Variants in EYA2 observed in about 807,000 individuals in gnomAD.
The protein encoded by EYA2 is protein phosphatase EYA2.
In EYA2, 31 loss-of-function variants were observed where a neutral mutation model predicts 69.2. The observed-to-expected ratio is 0.45, with a 90% confidence interval of 0.34 to 0.60. EYA2 has a LOEUF of 0.60. EYA2 is among the 20% of genes least tolerant of loss of function. EYA2 has a pLI of 0.02. For missense variants in EYA2, 622 were observed against 701.2 expected (o/e 0.89, Z 1.28); for synonymous variants, 257 against 279.4 (o/e 0.92, Z 0.80).
At chr20:47,010,159 T>C (rs1470452737) in intron 4 of EYA2, among the ~76,000 whole-genome samples, 1 of 152,228 alleles carries the variant, frequency 6.6e-6, no homozygotes, top group Non-Finnish European at 1.5e-5. Context: ...GGTCATGGGG[T>C]ATATGCATTC....
chr20:47,137,998 G>T (rs2146590634), intron 9 of EYA2, among the ~76,000 whole-genome samples: 1 of 150,694 alleles, frequency 6.6e-6, no homozygotes, highest in African/African-American at 2.4e-5. Context: ...GTGGGGTGTG[G>T]GGAGGGGGGA....
chr20:46,907,799 A>G (rs554279440), intron 1 of EYA2, among the ~76,000 whole-genome samples: 1 of 152,114 alleles, frequency 6.6e-6, no homozygotes, highest in Admixed American at 6.6e-5. Flanking sequence ...AGATGGTGCC[A>G]CTGCCAGCCT....
intron 5 of EYA2, among the ~76,000 whole-genome samples, chr20:47,065,310 T>G (rs549774205): frequency 6.6e-6 from 1 of 152,326 alleles, no homozygotes; most frequent in Non-Finnish European, 1.5e-5. Context: ...GGACAAGGGC[T>G]TCTTCCCCCA....
chr20:47,135,838 A>AAAACAAAC (rs1210382545), intron 9 of EYA2, among the ~76,000 whole-genome samples: 1 of 81,748 alleles, frequency 1.2e-5, no homozygotes, highest in African/African-American at 8.2e-5. Flanking sequence ...AAAAAAAAAA[A>AAAACAAAC]AAACAAACAA....
At chr20:46,920,005 A>G (rs1247708480) in intron 1 of EYA2, among the ~76,000 whole-genome samples, 1 of 152,216 alleles carries the variant, frequency 6.6e-6, no homozygotes, top group Non-Finnish European at 1.5e-5. Flanking sequence ...GTCAGAACAC[A>G]TGGAACATTT....
At chr20:46,971,346 T>G (rs1980133402) in intron 1 of EYA2, among the ~76,000 whole-genome samples, 1 of 152,256 alleles carries the variant, frequency 6.6e-6, no homozygotes, top group Non-Finnish European at 1.5e-5. Flanking sequence ...CTTAAGGTGC[T>G]GCTCTTTTCC....
At chr20:47,089,967 A>G (rs1208931344) in intron 8 of EYA2, among the ~76,000 whole-genome samples, 1 of 151,908 alleles carries the variant, frequency 6.6e-6, no homozygotes, top group Non-Finnish European at 1.5e-5. Flanking sequence ...TTAGATATTG[A>G]TCTGTGTGGA....
At chr20:47,058,872 C>G (rs146834216) in intron 5 of EYA2, among the ~76,000 whole-genome samples, 1 of 152,284 alleles carries the variant, frequency 6.6e-6, no homozygotes, top group African/African-American at 2.4e-5. Flanking sequence ...GAGGAGGAGA[C>G]ATGCCCACGG....
At chr20:47,012,981 G>T (rs368300668) in intron 4 of EYA2, among the ~76,000 whole-genome samples, 2 of 152,210 alleles carry the variant, frequency 1.3e-5, no homozygotes, top group Admixed American at 6.5e-5. Context: ...GAAGGCCCTC[G>T]TGCGCCTTTG....
chr20:47,168,461 T>G (rs1005671682), intron 10 of EYA2, among the ~76,000 whole-genome samples: 1 of 152,078 alleles, frequency 6.6e-6, no homozygotes, highest in Non-Finnish European at 1.5e-5. Context: ...AGTGCTAGGA[T>G]TACAGGCATG....
chr20:47,029,737 T>C (rs930839705), intron 5 of EYA2, among the ~76,000 whole-genome samples: 14 of 152,242 alleles, frequency 9.2e-5, no homozygotes, highest in African/African-American at 3.1e-4. Flanking sequence ...CCAAGTTTCA[T>C]TCACCCCATC....
At chr20:47,150,452 A>C (rs2033800696) in intron 10 of EYA2, among the ~76,000 whole-genome samples, 1 of 152,050 alleles carries the variant, frequency 6.6e-6, no homozygotes, top group Admixed American at 6.5e-5. Flanking sequence ...CCAGAAGCCC[A>C]GGCACAGCGG....
chr20:46,920,288 T>A (rs1985123151), intron 1 of EYA2, among the ~76,000 whole-genome samples: 1 of 150,992 alleles, frequency 6.6e-6, no homozygotes, highest in African/African-American at 2.4e-5. Flanking sequence ...TAAAACGAGG[T>A]CTTCCTGTAT....
At chr20:47,024,776 A>G (rs964289922) in intron 5 of EYA2, among the ~76,000 whole-genome samples, 1 of 152,204 alleles carries the variant, frequency 6.6e-6, no homozygotes, top group Non-Finnish European at 1.5e-5. Context: ...CTAAGGCCCA[A>G]TGTCTTGGAA....
intron 10 of EYA2, among the ~76,000 whole-genome samples, chr20:47,166,653 G>A (rs2034203655): frequency 6.6e-6 from 1 of 151,840 alleles, no homozygotes; most frequent in Non-Finnish European, 1.5e-5. Context: ...GGGAAAATGT[G>A]TAAGATCTTA....
At chr20:47,143,868 T>C (rs1171645939) in intron 10 of EYA2, among the ~76,000 whole-genome samples, 2 of 152,090 alleles carry the variant, frequency 1.3e-5, no homozygotes, top group African/African-American at 4.8e-5. Context: ...AGGCTAACTA[T>C]TGCAATCAAG....
At chr20:46,984,835 A>G (rs1229969144) in intron 1 of EYA2, among the ~76,000 whole-genome samples, 2 of 152,244 alleles carry the variant, frequency 1.3e-5, no homozygotes, top group African/African-American at 4.8e-5. Flanking sequence ...AGCATTGTTT[A>G]TAAGGTGGCT....
At position 46,940,421 on chromosome 20, in the gene EYA2, C is replaced by T. The variant is rs941263445; in HGVS notation, c.-11+45434C>T. Among the ~76,000 whole-genome samples, 40 of 152,280 alleles carry T rather than the reference C, an allele frequency of 2.6e-4. 1 individual carries two copies. Among genetic ancestry groups the T allele is most frequent in the East Asian group, 7.7e-4 (4 of 5,182 alleles). ...GTAACTCTGGTCCTGTGTGGAGAGC[C>T]AGGATTCAGACCCCAGGTGCCTGAA... On this transcript the variant is annotated intron_variant, in intron 1 of 15. Transcript: ENST00000327619.
At chr20:47,049,243 T>A (rs1472059599) in intron 5 of EYA2, among the ~76,000 whole-genome samples, 1 of 152,238 alleles carries the variant, frequency 6.6e-6, no homozygotes, top group Non-Finnish European at 1.5e-5. Flanking sequence ...ACCTCTTACA[T>A]AACCATCGGG....
Sources: gnomAD v4.1 joint callset for allele counts (sites outside exome capture counted in the v4.1 genomes callset) on GRCh38, gnomAD v4.1.1 for gene constraint, MANE v1.5 for transcripts, NCBI Gene and HGNC (gene_info 2026-07-23, HGNC 2026-07-21) for gene names.